KIF2A: variants seen among roughly 807,000 people sequenced by gnomAD.
KIF2A encodes the protein kinesin family member 2A.
A neutral mutation model predicts 100.2 loss-of-function variants in KIF2A; 22 were observed. The ratio of observed to expected loss-of-function variants is 0.22; its 90% CI spans 0.16 to 0.31. KIF2A has a LOEUF of 0.31. Among genes scored for constraint, KIF2A ranks in the 10% least tolerant of loss-of-function variants. The pLI is 1.00. For missense variants in KIF2A, 495 were observed against 898.7 expected (o/e 0.55, Z 5.74); for synonymous variants, 268 against 285.9 (o/e 0.94, Z 0.63).
At chr5:62,351,497 T>C (rs1747854668) in intron 4 of KIF2A, among the ~76,000 whole-genome samples, 1 of 152,124 alleles carries the variant, frequency 6.6e-6, no homozygotes, top group Non-Finnish European at 1.5e-5. Context: ...GAATTTATTT[T>C]CTATTGTTAA....
chr5:62,370,362 C>T (rs1245274545), intron 16 of KIF2A, among the ~76,000 whole-genome samples: 6 of 152,078 alleles, frequency 3.9e-5, no homozygotes, highest in African/African-American at 7.2e-5. Context: ...GGCACAATCT[C>T]AGCTCACTGC....
chr5:62,307,867 C>T (rs1044255043), intron 1 of KIF2A, among the ~76,000 whole-genome samples: 1 of 152,154 alleles, frequency 6.6e-6, no homozygotes, highest in African/African-American at 2.4e-5. Flanking sequence ...ATCCACCTGC[C>T]TCGGCCTCCC....
chr5:62,327,388 A>G (rs964320110), intron 1 of KIF2A, among the ~76,000 whole-genome samples: 1 of 152,196 alleles, frequency 6.6e-6, no homozygotes, highest in African/African-American at 2.4e-5. Context: ...TCGGAGGGCC[A>G]CAAACCATTG....
At chr5:62,325,759 A>G (rs190107192) in intron 1 of KIF2A, among the ~76,000 whole-genome samples, 1 of 152,356 alleles carries the variant, frequency 6.6e-6, no homozygotes, top group African/African-American at 2.4e-5. Context: ...ACTTAAAGCT[A>G]TTCAACCCAA....
intron 1 of KIF2A, among the ~76,000 whole-genome samples, chr5:62,308,886 T>C (rs574792436): frequency 1.4e-5 from 2 of 145,750 alleles, no homozygotes; most frequent in South Asian, 4.5e-4. Context: ...GAGATTTTTG[T>C]TAAATAAGTG....
chr5:62,389,108 C>T lies in KIF2A; in HGVS notation c.*3539C>T, dbSNP rs931795007. ...TGAAAAGCTAATTTGTAGCACATAA[C>T]GGTATATAGTTCTATACCATTAATA... On this transcript the variant is annotated 3_prime_UTR_variant, in exon 21 of 21. Transcript: ENST00000407818. The T allele has an allele frequency of 1.8e-5, 26 of 1,456,102 alleles. No individual in the cohort carries two copies. The highest frequency in any genetic ancestry group is 1.9e-5 in the Non-Finnish European group (20 of 1,045,034). 90.2% of individuals were successfully genotyped at this position (1,456,102 alleles called of 1,614,324 possible). A position where few individuals can be genotyped will look rare whatever the true frequency, so the allele number is the denominator to read the frequency against.
chr5:62,334,995 C>T (rs1234977688), intron 1 of KIF2A, among the ~76,000 whole-genome samples: 1 of 152,198 alleles, frequency 6.6e-6, no homozygotes, highest in Non-Finnish European at 1.5e-5. Flanking sequence ...CATAAATCAG[C>T]CTGGTGATGG....
intron 4 of KIF2A, among the ~76,000 whole-genome samples, chr5:62,351,091 G>C (rs1490084078): frequency 6.6e-6 from 1 of 151,766 alleles, no homozygotes. Context: ...AACTAGCCAA[G>C]TGCAGTGACA....
chr5:62,377,456 G>A (rs893807519), intron 18 of KIF2A, among the ~76,000 whole-genome samples: 3 of 152,078 alleles, frequency 2.0e-5, no homozygotes, highest in African/African-American at 7.2e-5. Context: ...ACTCATCTAA[G>A]TTTTAGTTGT....
intron 6 of KIF2A, among the ~76,000 whole-genome samples, chr5:62,354,690 A>G (rs1219696956): frequency 6.6e-6 from 1 of 152,194 alleles, no homozygotes; most frequent in African/African-American, 2.4e-5. Flanking sequence ...ATAGAAAATG[A>G]AGACAAATGA....
At chr5:62,375,001 A>G (rs1055273488) in intron 18 of KIF2A, among the ~76,000 whole-genome samples, 3 of 152,206 alleles carry the variant, frequency 2.0e-5, no homozygotes, top group Non-Finnish European at 1.5e-5. Flanking sequence ...TGTATGCACT[A>G]TATTAAAATC....
At position 62,340,666 on chromosome 5, in the gene KIF2A, G is replaced by A. The variant is rs546939618; in HGVS notation, c.65-6464G>A. ...TGCCTGTATGTTGTCACCATATCAT[G>A]ATTTTTTCCTTTGAAAAATTTTTCA... is the stretch of plus-strand genomic sequence containing the variant. On this transcript the variant is annotated intron_variant, in intron 1 of 20. Transcript: ENST00000407818. 3.0e-4 allele frequency among the ~76,000 whole-genome samples: 46 copies of A among 152,082 alleles called. No individual in the cohort carries two copies. The East Asian group carries it at 7.5e-3, about 25-fold the overall frequency.
chr5:62,367,547 G>A (rs1181424321), intron 16 of KIF2A, among the ~76,000 whole-genome samples: 2 of 152,084 alleles, frequency 1.3e-5, no homozygotes, highest in Non-Finnish European at 2.9e-5. Flanking sequence ...GATTACAGGC[G>A]TGAGCCACCC....
chr5:62,339,309 G>A (rs1428451947), intron 1 of KIF2A, among the ~76,000 whole-genome samples: 1 of 131,420 alleles, frequency 7.6e-6, no homozygotes, highest in Non-Finnish European at 1.7e-5. Flanking sequence ...CATCACCAAG[G>A]GGATGGTGCT....
intron 1 of KIF2A, among the ~76,000 whole-genome samples, chr5:62,307,390 C>T (rs1317622961): frequency 6.6e-6 from 1 of 151,474 alleles, no homozygotes; most frequent in East Asian, 1.9e-4. Flanking sequence ...TTTTTAAGAG[C>T]CTTAGGCTTA....
chr5:62,332,305 G>A (rs1746695974), intron 1 of KIF2A, among the ~76,000 whole-genome samples: 1 of 152,114 alleles, frequency 6.6e-6, no homozygotes, highest in African/African-American at 2.4e-5. Context: ...TTTCTTCACT[G>A]AAGCAAAGAT....
chr5:62,350,258 T>C, intron 4 of KIF2A, 138 bp downstream of exon 4: 2 of 587,474 alleles, frequency 3.4e-6, no homozygotes, highest in South Asian at 4.4e-5. Context: ...AGGTGCTTTT[T>C]TGTTTTGTTT....
intron 1 of KIF2A, among the ~76,000 whole-genome samples, chr5:62,322,311 T>C (rs1746140752): frequency 6.6e-6 from 1 of 152,232 alleles, no homozygotes; most frequent in Non-Finnish European, 1.5e-5. Context: ...AGATATTTTT[T>C]CTCATTCTGA....
chr5:62,347,607 T>TAAC (rs1198883408), intron 2 of KIF2A, among the ~76,000 whole-genome samples: 1 of 152,082 alleles, frequency 6.6e-6, no homozygotes, highest in Admixed American at 6.6e-5. Flanking sequence ...ATCTCATTTG[T>TAAC]AAGGCTAAGG....
Sources: gnomAD v4.1 joint callset for allele counts (sites outside exome capture counted in the v4.1 genomes callset) on GRCh38, gnomAD v4.1.1 for gene constraint, MANE v1.5 for transcripts, NCBI Gene and HGNC (gene_info 2026-07-23, HGNC 2026-07-21) for gene names.